TGFBRAP1: variants seen among roughly 807,000 people sequenced by gnomAD.
TGFBRAP1 encodes transforming growth factor beta receptor associated protein 1, also known as transforming growth factor-beta receptor-associated protein 1.
TGFBRAP1 carries 20 observed loss-of-function variants against 83.2 expected under a neutral mutation model. That is an observed-to-expected ratio of 0.24 (90% CI 0.17 to 0.35). The LOEUF (loss-of-function observed/expected upper bound fraction) is 0.35. Among genes scored for constraint, TGFBRAP1 ranks in the 10% least tolerant of loss-of-function variants. The pLI, the probability that TGFBRAP1 is intolerant of heterozygous loss-of-function variation, is 1.00. For missense variants in TGFBRAP1, 950 were observed against 1,099.4 expected (o/e 0.86, Z 1.92); for synonymous variants, 415 against 459.8 (o/e 0.90, Z 1.25).
intron 2 of TGFBRAP1, among the ~76,000 whole-genome samples, chr2:105,306,968 C>T (rs1053918859): frequency 1.3e-5 from 2 of 152,166 alleles, no homozygotes; most frequent in African/African-American, 2.4e-5. Flanking sequence ...AGGTGGGATT[C>T]ACATCCAACA....
chr2:105,328,445 T>C (rs558578404), intron 1 of TGFBRAP1, among the ~76,000 whole-genome samples: 1 of 152,318 alleles, frequency 6.6e-6, no homozygotes, highest in Admixed American at 6.5e-5. Context: ...GCTGACCAAA[T>C]GTTCCTTCTG....
At chr2:105,282,303 T>G (rs568326181) in intron 5 of TGFBRAP1, among the ~76,000 whole-genome samples, 1 of 152,260 alleles carries the variant, frequency 6.6e-6, no homozygotes, top group Non-Finnish European at 1.5e-5. Flanking sequence ...GTGCAGGTGG[T>G]CTAAAGGAAG....
At chr2:105,277,038 T>C (rs1267240477) in intron 7 of TGFBRAP1, among the ~76,000 whole-genome samples, 1 of 152,128 alleles carries the variant, frequency 6.6e-6, no homozygotes, top group Non-Finnish European at 1.5e-5. Context: ...TTTCTCAAGA[T>C]CAGTAGCAAG....
chr2:105,307,500 C>A (rs1434611950), intron 2 of TGFBRAP1, 114 bp downstream of exon 2: 14 of 1,138,842 alleles, frequency 1.2e-5, no homozygotes, highest in Non-Finnish European at 1.7e-5. Flanking sequence ...TTGCCACACA[C>A]GCCCAATGTC....
chr2:105,280,179 G>A (rs1284877647), intron 6 of TGFBRAP1, among the ~76,000 whole-genome samples: 1 of 152,118 alleles, frequency 6.6e-6, no homozygotes, highest in Admixed American at 6.5e-5. Context: ...CCCTTCAAGG[G>A]GTCTGCAGAT....
At chr2:105,285,874 C>A (rs775478753) in intron 4 of TGFBRAP1, among the ~76,000 whole-genome samples, 8 of 152,114 alleles carry the variant, frequency 5.3e-5, no homozygotes, top group Non-Finnish European at 8.8e-5. Context: ...ACCTAAAGAC[C>A]AAATCAATTA....
chr2:105,300,993 G>A (rs1478444940), intron 2 of TGFBRAP1, among the ~76,000 whole-genome samples: 4 of 152,098 alleles, frequency 2.6e-5, no homozygotes, highest in Non-Finnish European at 5.9e-5. Flanking sequence ...GGAGGCCAAG[G>A]CAGGCAGATC....
At chr2:105,322,370 A>G (rs1679094268) in intron 1 of TGFBRAP1, among the ~76,000 whole-genome samples, 2 of 152,222 alleles carry the variant, frequency 1.3e-5, no homozygotes, top group Admixed American at 1.3e-4. Context: ...AATTTAGTGT[A>G]GCCTAAGTGT....
intron 1 of TGFBRAP1, among the ~76,000 whole-genome samples, chr2:105,326,802 AT>A (rs1011143969): frequency 6.6e-6 from 1 of 152,066 alleles, no homozygotes. Context: ...TAAATATGTG[AT>A]TTTTTCCTTA....
At chr2:105,256,173 T>G in the TGFBRAP1 span, among the ~76,000 whole-genome samples, 1 of 152,186 alleles carries the variant, frequency 6.6e-6, no homozygotes, top group East Asian at 1.9e-4. Flanking sequence ...CAGAAGGAAA[T>G]GTTGGCAGTG....
chr2:105,257,043 A>T, the TGFBRAP1 span, among the ~76,000 whole-genome samples: 3 of 152,208 alleles, frequency 2.0e-5, no homozygotes, highest in Non-Finnish European at 2.9e-5. Flanking sequence ...TTAGCATGTA[A>T]TCAAGAAATA....
At chr2:105,304,762 G>A (rs777815453) in intron 2 of TGFBRAP1, among the ~76,000 whole-genome samples, 3 of 152,314 alleles carry the variant, frequency 2.0e-5, no homozygotes, top group East Asian at 1.9e-4. Flanking sequence ...CAGCCTGGGC[G>A]ACAGAGCGAG....
chr2:105,285,740 C>A (rs1677695608), intron 4 of TGFBRAP1, among the ~76,000 whole-genome samples: 1 of 152,234 alleles, frequency 6.6e-6, no homozygotes, highest in African/African-American at 2.4e-5. Flanking sequence ...GCATAGCAAC[C>A]ATTCCTCACC....
intron 11 of TGFBRAP1, among the ~76,000 whole-genome samples, chr2:105,268,029 G>A (rs1002396012): frequency 6.6e-6 from 1 of 152,176 alleles, no homozygotes; most frequent in Non-Finnish European, 1.5e-5. Flanking sequence ...GTTGGTCCTG[G>A]GAGACACCCT....
intron 2 of TGFBRAP1, among the ~76,000 whole-genome samples, chr2:105,302,487 A>G (rs192345711): frequency 2.5e-3 from 382 of 152,266 alleles, no homozygotes; most frequent in Non-Finnish European, 4.5e-3. Context: ...CAGCTATAAA[A>G]TGAAGGAGGA....
At chr2:105,260,371 T>C (rs1045487957), downstream of TGFBRAP1, among the ~76,000 whole-genome samples, 4 of 152,188 alleles carry the variant, frequency 2.6e-5, no homozygotes, top group African/African-American at 9.6e-5. Flanking sequence ...ATCTTGCCAC[T>C]GCACTCCACC....
At chr2:105,293,358 C>G in intron 4 of TGFBRAP1, among the ~76,000 whole-genome samples, 1 of 152,194 alleles carries the variant, frequency 6.6e-6, no homozygotes, top group Middle Eastern at 3.2e-3. Context: ...TTAAGGCTTG[C>G]TTTCTAAAGT....
chr2:105,293,045 G>A (rs1309272003), intron 4 of TGFBRAP1, among the ~76,000 whole-genome samples: 2 of 151,934 alleles, frequency 1.3e-5, no homozygotes, highest in African/African-American at 4.8e-5. Flanking sequence ...TTGGAAATAT[G>A]AGCACTGACC....
chr2:105,299,229 C>T (rs1038642135), intron 2 of TGFBRAP1, among the ~76,000 whole-genome samples: 1 of 151,900 alleles, frequency 6.6e-6, no homozygotes, highest in African/African-American at 2.4e-5. Flanking sequence ...TGCAGTGAGC[C>T]GTGATCACGC....
Sources: gnomAD v4.1 joint callset for allele counts (sites outside exome capture counted in the v4.1 genomes callset) on GRCh38, gnomAD v4.1.1 for gene constraint, MANE v1.5 for transcripts, NCBI Gene and HGNC (gene_info 2026-07-23, HGNC 2026-07-21) for gene names.